TOX2: variants seen among roughly 807,000 people sequenced by gnomAD.
The protein encoded by TOX2 is TOX high mobility group box family member 2.
In TOX2, 15 loss-of-function variants were observed where a neutral mutation model predicts 47.4. The ratio of observed to expected loss-of-function variants is 0.32; its 90% confidence interval spans 0.21 to 0.49. The LOEUF is 0.49. Ranked by LOEUF, TOX2 falls within the 20% of genes least tolerant of loss-of-function variation. The probability of loss-of-function intolerance (pLI) is 0.99; values close to 1 mark genes in which losing one functional copy is unlikely to be tolerated. For missense variants in TOX2, 622 were observed against 673.1 expected (o/e 0.92, Z 0.84); for synonymous variants, 290 against 296.6 (o/e 0.98, Z 0.23).
chr20:44,007,432 TGGCCAC>T (rs886527986), intron 3 of TOX2: 6 of 152,718 alleles, frequency 3.9e-5, no homozygotes, highest in African/African-American at 1.2e-4. Flanking sequence ...AGGGGTAAAC[TGGCCAC>T]GGTCGGAAAC....
intron 1 of TOX2, among the ~76,000 whole-genome samples, chr20:43,949,475 C>T (rs1043929637): frequency 3.3e-4 from 51 of 152,326 alleles, no homozygotes; most frequent in African/African-American, 1.2e-3. Context: ...TCAGCTGGAT[C>T]TGTTCTGATA....
intron 3 of TOX2, among the ~76,000 whole-genome samples, chr20:44,015,696 A>C (rs1297005050): frequency 6.6e-6 from 1 of 152,200 alleles, no homozygotes; most frequent in Non-Finnish European, 1.5e-5. Context: ...AGTTGAACAC[A>C]AAAGATTTTT....
Position 43,984,029 on chromosome 20 carries a change from T to G in TOX2, c.165+10597T>G, listed in dbSNP as rs76788799. 5.7e-3 allele frequency among the ~76,000 whole-genome samples: 865 copies of G among 152,360 alleles called. 5 individuals are homozygous for G. The highest frequency in any genetic ancestry group is 8.4e-3 in the Non-Finnish European group (572 of 68,036). On this transcript the variant is annotated intron_variant, in intron 2 of 8. Transcript: ENST00000341197. Reference sequence around the variant, plus strand: ...AAGGGCAAAGATGACAAGGCTTTTATTGCTTTAATTAAAACCTGGGTGAAG... The same window carrying G: ...AAGGGCAAAGATGACAAGGCTTTTAGTGCTTTAATTAAAACCTGGGTGAAG...
At chr20:43,932,756 G>T (rs1465572866) in intron 1 of TOX2, among the ~76,000 whole-genome samples, 1 of 149,804 alleles carries the variant, frequency 6.7e-6, no homozygotes, top group Non-Finnish European at 1.5e-5. Flanking sequence ...GAAGGCAAGG[G>T]GTTGGAGAGG....
intron 1 of TOX2, among the ~76,000 whole-genome samples, chr20:43,939,938 T>C (rs766532893): frequency 2.0e-5 from 3 of 152,186 alleles, no homozygotes; most frequent in Non-Finnish European, 4.4e-5. Context: ...AGAGGTTTCC[T>C]TCTGTAGTTA....
chr20:43,957,567 CT>C lies in TOX2; in HGVS notation c.100-15780del, dbSNP rs35133028. Among the ~76,000 whole-genome samples the C allele has an allele frequency of 9.5e-3, 1,005 of 105,776 alleles. 2 individuals carry two copies. Among genetic ancestry groups the C allele is most frequent in the Middle Eastern group, 0.021 (4 of 188 alleles). 69.4% of individuals were successfully genotyped at this position (105,776 alleles called of 152,430 possible). ...TTACCTGGCATAAAGTAAATGCCCTCTTTTTTTTTTTTTTTTTTTTGGCTTA... is the reference window on the plus strand; with the variant it reads ...TTACCTGGCATAAAGTAAATGCCCTCTTTTTTTTTTTTTTTTTTTGGCTTA... On this transcript the variant is annotated intron_variant, in intron 1 of 8. Transcript: ENST00000341197.
At chr20:43,992,034 G>A (rs1337345033) in intron 2 of TOX2, among the ~76,000 whole-genome samples, 2 of 152,218 alleles carry the variant, frequency 1.3e-5, no homozygotes. Context: ...GCCAGCAGGA[G>A]CTGCACTTGC....
chr20:44,044,958 A>G (rs1046068954), intron 3 of TOX2, among the ~76,000 whole-genome samples: 1 of 152,244 alleles, frequency 6.6e-6, no homozygotes, highest in Non-Finnish European at 1.5e-5. Context: ...GTTCTGATTC[A>G]GCTGCCACGT....
intron 2 of TOX2, among the ~76,000 whole-genome samples, chr20:43,990,309 G>A (rs1328602876): frequency 6.6e-6 from 1 of 152,194 alleles, no homozygotes; most frequent in Non-Finnish European, 1.5e-5. Context: ...TGGTAACTCC[G>A]TAGGTTGCAG....
intron 3 of TOX2, among the ~76,000 whole-genome samples, chr20:44,019,696 T>G (rs1221782854): frequency 6.6e-6 from 1 of 152,206 alleles, no homozygotes; most frequent in Non-Finnish European, 1.5e-5. Context: ...AATCTCTAAC[T>G]AACTAACTAA....
intron 3 of TOX2, among the ~76,000 whole-genome samples, chr20:44,045,842 G>A (rs1488948187): frequency 6.6e-6 from 1 of 152,194 alleles, no homozygotes; most frequent in East Asian, 1.9e-4. Context: ...GAATTCTAAA[G>A]CAGGCCACTG....
At chr20:43,982,464 A>G (rs918094235) in intron 2 of TOX2, among the ~76,000 whole-genome samples, 4 of 152,170 alleles carry the variant, frequency 2.6e-5, no homozygotes, top group African/African-American at 7.2e-5. Context: ...GACGGGTCCC[A>G]GGGCCTGGGG....
chr20:44,011,470 G>T (rs1287040601), intron 3 of TOX2, among the ~76,000 whole-genome samples: 1 of 152,198 alleles, frequency 6.6e-6, no homozygotes, highest in African/African-American at 2.4e-5. Flanking sequence ...TTAGATGTGG[G>T]GTTATCACTT....
intron 4 of TOX2, among the ~76,000 whole-genome samples, chr20:44,053,759 T>C (rs1439442078): frequency 3.3e-5 from 5 of 151,400 alleles, no homozygotes; most frequent in Non-Finnish European, 7.4e-5. Flanking sequence ...TCTGATTCCC[T>C]AGGAAACTGG....
At chr20:43,943,791 G>C (rs1462616142) in intron 1 of TOX2, among the ~76,000 whole-genome samples, 1 of 152,160 alleles carries the variant, frequency 6.6e-6, no homozygotes, top group Non-Finnish European at 1.5e-5. Flanking sequence ...CAAGCAACAT[G>C]GCTTCTTGCA....
At chr20:44,002,973 T>C (rs1322099634) in intron 2 of TOX2, among the ~76,000 whole-genome samples, 2 of 152,052 alleles carry the variant, frequency 1.3e-5, no homozygotes, top group African/African-American at 4.8e-5. Context: ...ATATCCAAAC[T>C]GTATCAGAGG....
At chr20:43,924,610 C>T (rs185518768) in intron 1 of TOX2, among the ~76,000 whole-genome samples, 256 of 152,324 alleles carry the variant, frequency 1.7e-3, no homozygotes, top group Non-Finnish European at 2.8e-3. Context: ...CTGGCTTTGC[C>T]TTTCACCATC....
chr20:44,043,059 T>C (rs2071358647), intron 3 of TOX2, among the ~76,000 whole-genome samples: 1 of 152,172 alleles, frequency 6.6e-6, no homozygotes, highest in Non-Finnish European at 1.5e-5. Flanking sequence ...AGAGCTCCAT[T>C]TGCAGCATGT....
At chr20:44,067,746 G>A (rs1196423155) in intron 8 of TOX2, among the ~76,000 whole-genome samples, 1 of 152,132 alleles carries the variant, frequency 6.6e-6, no homozygotes, top group East Asian at 1.9e-4. Flanking sequence ...AACAACCGCA[G>A]CCAGCAGGAG....
Sources: gnomAD v4.1 joint callset for allele counts (sites outside exome capture counted in the v4.1 genomes callset) on GRCh38, gnomAD v4.1.1 for gene constraint, MANE v1.5 for transcripts, NCBI Gene and HGNC (gene_info 2026-07-23, HGNC 2026-07-21) for gene names.